RBM22: variants seen among roughly 807,000 people sequenced by gnomAD.
RBM22 encodes the protein RNA binding motif protein 22, also known as pre-mRNA-splicing factor RBM22.
In RBM22, 1 loss-of-function variant was observed where a neutral mutation model predicts 50.1. The observed-to-expected ratio is 0.02, with a 90% CI of 0.01 to 0.09. The LOEUF is 0.09. Among genes scored for constraint, RBM22 ranks in the 10% least tolerant of loss-of-function variants. The pLI is 1.00. For missense variants in RBM22, 264 were observed against 529.3 expected, an observed-to-expected ratio of 0.50 and a Z score of 4.92; for synonymous variants, 152 against 179.0, an observed-to-expected ratio of 0.85 and a Z score of 1.20.
At chr5:150,700,540 AC>A in intron 1 of RBM22, 43 bp from the exon 2 acceptor site, 1 of 1,613,508 alleles carries the variant, frequency 6.2e-7, no homozygotes, top group Non-Finnish European at 8.5e-7. Context: ...CCCTCCGAAG[AC>A]CCTGACACCT....
intron 2 of RBM22, among the ~76,000 whole-genome samples, chr5:150,700,217 T>C (rs891538873): frequency 6.6e-6 from 1 of 152,178 alleles, no homozygotes; most frequent in African/African-American, 2.4e-5. Context: ...ACCTATTTCC[T>C]AGGTAAATGC....
chr5:150,696,461 A>G lies in RBM22; in HGVS notation c.545+72T>C, dbSNP rs112689082. ...TTAGATTTTAAAGCAGAAACAGTTT[A>G]AGTTAGGACCTCCCACTTCTTAGAT... On this transcript the variant is annotated intron_variant, in intron 6 of 10. Transcript: ENST00000199814. This position sits in a 1 kb window ranked among gnomAD's most constrained non-coding sequence, Gnocchi z 4.3. 392 of 1,472,898 alleles carry G rather than the reference A, an allele frequency of 2.7e-4. 2 individuals carry two copies. In the African/African-American group the frequency reaches 3.9e-3, roughly 15 times the overall value. 91.2% of individuals were successfully genotyped at this position (1,472,898 alleles called of 1,614,324 possible).
intron 4 of RBM22, among the ~76,000 whole-genome samples, chr5:150,697,249 C>T (rs1175979144): frequency 2.0e-5 from 3 of 151,942 alleles, no homozygotes; most frequent in African/African-American, 7.3e-5. Context: ...TGGTGAAACC[C>T]CATTTCTACA....
intron 8 of RBM22, among the ~76,000 whole-genome samples, 167 bp downstream of exon 8, chr5:150,693,909 C>T (rs997900053): frequency 2.0e-5 from 3 of 152,208 alleles, no homozygotes; most frequent in Non-Finnish European, 2.9e-5. Flanking sequence ...AGGGTTCTCC[C>T]AACATCCACA....
chr5:150,693,447 G>A (rs1759235697), intron 8 of RBM22, 140 bp from the exon 9 acceptor site: 2 of 672,428 alleles, frequency 3.0e-6, no homozygotes, highest in Non-Finnish European at 5.1e-6. Flanking sequence ...ATGCCACTGT[G>A]CACAGTGAAC....
chr5:150,694,262 A>G (rs1182432658), intron 7 of RBM22, 22 bp from the exon 8 acceptor site: 2 of 1,600,034 alleles, frequency 1.2e-6, no homozygotes, highest in Non-Finnish European at 1.7e-6. Flanking sequence ...CAGGCAGAGA[A>G]AAATGAAAGT....
At chr5:150,692,789 A>T in intron 10 of RBM22, 106 bp downstream of exon 10, 1 of 1,283,790 alleles carries the variant, frequency 7.8e-7, no homozygotes. Flanking sequence ...GTAGACTTCT[A>T]CAGAGCAAAC....
intron 1 of RBM22, 80 bp downstream of exon 1, chr5:150,700,852 G>T: frequency 6.2e-7 from 1 of 1,613,072 alleles, no homozygotes; most frequent in East Asian, 2.2e-5. Context: ...CTTCGGCCGC[G>T]CCGCAGGCCC....
In RBM22 at chr5:150,691,737, G is replaced by A. The variant is rs762892672; in HGVS notation, c.*14C>T. 5 of 1,536,244 alleles carry A rather than the reference G, an allele frequency of 3.3e-6. No homozygotes were observed. The South Asian group carries it at 3.9e-5, about 12-fold the overall frequency. Reference sequence around the variant, plus strand: ...GCCCTTTCTTCCACAGAGCCCCAGAGTGGTGACAAGGTGCTAGGGGCTGCT... The same window carrying A: ...GCCCTTTCTTCCACAGAGCCCCAGAATGGTGACAAGGTGCTAGGGGCTGCT... On this transcript the variant is annotated 3_prime_UTR_variant, in exon 11 of 11. Transcript: ENST00000199814.
chr5:150,695,369 A>G, intron 7 of RBM22, 137 bp downstream of exon 7: 1 of 778,286 alleles, frequency 1.3e-6, no homozygotes. Flanking sequence ...CAAAAATTCC[A>G]GTCAGCATGA....
chr5:150,695,383 T>C, intron 7 of RBM22, 123 bp downstream of exon 7: 1 of 866,316 alleles, frequency 1.2e-6, no homozygotes, highest in Non-Finnish European at 1.8e-6. Context: ...AGCATGATAC[T>C]AACAATAGAG....
chr5:150,700,759 C>T (rs1759337483), intron 1 of RBM22, 173 bp downstream of exon 1: 1 of 1,545,266 alleles, frequency 6.5e-7, no homozygotes, highest in Admixed American at 1.9e-5. Context: ...TAAGCCCCCT[C>T]CCTTCAAGCC....
chr5:150,696,202 T>C lies in RBM22; in HGVS notation c.545+331A>G, dbSNP rs1351477973. ...AGTCTTAACCAAAACATACACACCC[T>C]TTAGAAGTCTGACCTTACTTTGACT... On this transcript the variant is annotated intron_variant, in intron 6 of 10. Coordinates refer to ENST00000199814, the MANE Select transcript of RBM22 (RefSeq NM_018047.3). The surrounding 1 kb of genome is among the most constrained non-coding windows in gnomAD (Gnocchi z 4.3). Among the ~76,000 whole-genome samples the C allele has an allele frequency of 6.6e-6, 1 of 152,056 alleles. No homozygotes were observed. Among genetic ancestry groups the C allele is most frequent in the Non-Finnish European group, 1.5e-5 (1 of 68,014 alleles).
Position 150,701,061 on chromosome 5 carries a change from C to A in RBM22, c.-76G>T, listed in dbSNP as rs75654225. ...GCCACAATCCCGTCAAGCCCCGAGG[C>A]TAGCGCCGCGCCGGTCGGCGTCTTA... On this transcript the variant is annotated 5_prime_UTR_variant, in exon 1 of 11. Coordinates refer to ENST00000199814, the MANE Select transcript of RBM22 (RefSeq NM_018047.3). 6,309 of 1,597,908 alleles carry A rather than the reference C, an allele frequency of 3.9e-3. 207 individuals carry two copies. The African/African-American group carries it at 0.072, about 18-fold the overall frequency.
chr5:150,695,297 T>A, intron 7 of RBM22: 1 of 560,718 alleles, frequency 1.8e-6, no homozygotes, highest in Non-Finnish European at 3.2e-6. Context: ...ATTACAGGCA[T>A]GAGGCACTGT....
chr5:150,695,230 TG>T, intron 7 of RBM22: 2 of 387,500 alleles, frequency 5.2e-6, no homozygotes, highest in Non-Finnish European at 9.4e-6. Flanking sequence ...GGTCTCACTA[TG>T]TTGCTCAGGC....
intron 2 of RBM22, among the ~76,000 whole-genome samples, 160 bp downstream of exon 2, chr5:150,700,284 G>T (rs1360992028): frequency 6.6e-6 from 1 of 152,162 alleles, no homozygotes; most frequent in African/African-American, 2.4e-5. Flanking sequence ...TACCGGATTC[G>T]TAAGAGAATA....
chr5:150,698,095 C>T (rs1254540057), intron 4 of RBM22, among the ~76,000 whole-genome samples: 1 of 152,110 alleles, frequency 6.6e-6, no homozygotes, highest in African/African-American at 2.4e-5. Context: ...GTACTCTAGC[C>T]TGGGTGTCAG....
At chr5:150,695,305 T>G (rs1363043044) in intron 7 of RBM22, 3 of 575,566 alleles carry the variant, frequency 5.2e-6, no homozygotes, top group South Asian at 4.3e-5. Flanking sequence ...CATGAGGCAC[T>G]GTGCCCAGCC....
Sources: gnomAD v4.1 joint callset for allele counts (sites outside exome capture counted in the v4.1 genomes callset) on GRCh38, gnomAD v4.1.1 for gene constraint, Gnocchi (gnomAD v3.1) non-coding constraint, MANE v1.5 for transcripts, NCBI Gene and HGNC (gene_info 2026-07-23, HGNC 2026-07-21) for gene names.